ABCG2: variants seen among roughly 807,000 people sequenced by gnomAD.
ABCG2 encodes ATP binding cassette subfamily G member 2 (JR blood group).
In ABCG2, 80 loss-of-function variants were observed where a neutral mutation model predicts 73.5. The ratio of observed to expected loss-of-function variants is 1.09; its 90% CI spans 0.91 to 1.31. The LOEUF (loss-of-function observed/expected upper bound fraction) is 1.31. Among genes scored for constraint, ABCG2 ranks in the 50% most tolerant of loss-of-function variants. ABCG2 has a pLI of 0.00. For synonymous variants in ABCG2, 269 were observed against 282.4 expected (o/e 0.95, Z 0.48); for missense variants, 796 against 786.2 (o/e 1.01, Z -0.15).
chr4:88,126,790 G>C (rs1724446890), intron 5 of ABCG2, among the ~76,000 whole-genome samples: 1 of 152,068 alleles, frequency 6.6e-6, no homozygotes, highest in African/African-American at 2.4e-5. Flanking sequence ...AATAATAAGA[G>C]CTATTTATGA....
At position 88,115,232 on chromosome 4, in the gene ABCG2, G is replaced by GTCTCTCTCTCTCTCTGTC. The variant is rs59257608; in HGVS notation, c.842-175_842-174insGACAGAGAGAGAGAGAGA. Among the ~76,000 whole-genome samples, 210 of 28,914 alleles carry GTCTCTCTCTCTCTCTGTC rather than the reference G, an allele frequency of 7.3e-3. 37 individuals carry two copies. Among genetic ancestry groups the GTCTCTCTCTCTCTCTGTC allele is most frequent in the African/African-American group, 0.017 (122 of 7,104 alleles). 19.0% of individuals were successfully genotyped at this position (28,914 alleles called of 152,430 possible). On this transcript the variant is annotated intron_variant, in intron 7 of 15. Transcript: ENST00000237612. ...TTTACCCTTTCTTTTTATATATTCA[G>GTCTCTCTCTCTCTCTGTC]TCTCTCTCTCTCTCTCTCTCTCTCT...
chr4:88,194,362 A>G (rs1357108215), intron 1 of ABCG2, among the ~76,000 whole-genome samples: 1 of 151,812 alleles, frequency 6.6e-6, no homozygotes, highest in Non-Finnish European at 1.5e-5. Flanking sequence ...CATCCTGGCT[A>G]ACACGGTTAA....
intron 1 of ABCG2, among the ~76,000 whole-genome samples, chr4:88,192,795 T>G (rs1197908341): frequency 6.6e-6 from 1 of 151,388 alleles, no homozygotes; most frequent in African/African-American, 2.4e-5. Flanking sequence ...CACTGCAACC[T>G]CTGCCTCCTG....
At chr4:88,170,541 C>T (rs1008576705) in intron 1 of ABCG2, among the ~76,000 whole-genome samples, 5 of 152,220 alleles carry the variant, frequency 3.3e-5, no homozygotes, top group Non-Finnish European at 7.3e-5. Flanking sequence ...CCAGATGGAA[C>T]AATAATTCAA....
chr4:88,225,235 T>C (rs995120974), intron 1 of ABCG2, among the ~76,000 whole-genome samples: 1 of 152,214 alleles, frequency 6.6e-6, no homozygotes, highest in Non-Finnish European at 1.5e-5. Flanking sequence ...ATGACTCCTC[T>C]ACTCTGCCGT....
intron 1 of ABCG2, among the ~76,000 whole-genome samples, chr4:88,176,976 T>C (rs940173003): frequency 5.3e-5 from 8 of 152,034 alleles, no homozygotes; most frequent in Non-Finnish European, 1.0e-4. Context: ...CGAACATTAG[T>C]TGAAAAATAC....
chr4:88,192,308 A>G (rs537536518), intron 1 of ABCG2, among the ~76,000 whole-genome samples: 9 of 152,318 alleles, frequency 5.9e-5, no homozygotes, highest in African/African-American at 2.2e-4. Context: ...TAATGACTAT[A>G]CTATTCTATA....
chr4:88,191,331 T>C (rs903189871), intron 1 of ABCG2, among the ~76,000 whole-genome samples: 30 of 149,668 alleles, frequency 2.0e-4, no homozygotes, highest in African/African-American at 6.9e-4. Flanking sequence ...GATATATGAA[T>C]GGCCAACAAG....
At chr4:88,165,530 T>A (rs1223077203) in intron 1 of ABCG2, among the ~76,000 whole-genome samples, 4 of 152,210 alleles carry the variant, frequency 2.6e-5, no homozygotes, top group South Asian at 2.1e-4. Flanking sequence ...GTATTGTTAT[T>A]ACAATAGGCC....
chr4:88,108,435 G>A (rs1014189776), intron 9 of ABCG2, among the ~76,000 whole-genome samples: 6 of 152,060 alleles, frequency 3.9e-5, no homozygotes, highest in Non-Finnish European at 7.4e-5. Context: ...GGGAGGCTGA[G>A]GCACAAGAAT....
At chr4:88,210,776 T>C (rs981003992) in intron 1 of ABCG2, among the ~76,000 whole-genome samples, 2 of 152,028 alleles carry the variant, frequency 1.3e-5, no homozygotes, top group Non-Finnish European at 2.9e-5. Flanking sequence ...ATAGAGACAG[T>C]CTTGCTTTGT....
chr4:88,153,262 G>A (rs1418835287), intron 1 of ABCG2, among the ~76,000 whole-genome samples: 1 of 151,982 alleles, frequency 6.6e-6, no homozygotes, highest in Non-Finnish European at 1.5e-5. Flanking sequence ...ATGGTGAATA[G>A]GAGTATGACT....
intron 1 of ABCG2, among the ~76,000 whole-genome samples, chr4:88,229,889 TG>T (rs1730383772): frequency 6.6e-6 from 1 of 152,044 alleles, no homozygotes; most frequent in Non-Finnish European, 1.5e-5. Flanking sequence ...CTATGCAAAC[TG>T]ATTTTCAACA....
upstream of ABCG2, among the ~76,000 whole-genome samples, chr4:88,162,523 AGTG>A: frequency 6.6e-6 from 1 of 152,290 alleles, no homozygotes; most frequent in Middle Eastern, 3.4e-3. Context: ...ATTGGGAGGC[AGTG>A]GTAAATCAAA....
intron 1 of ABCG2, among the ~76,000 whole-genome samples, chr4:88,209,986 A>T (rs1231563802): frequency 6.7e-6 from 1 of 148,942 alleles, no homozygotes; most frequent in Non-Finnish European, 1.5e-5. Flanking sequence ...CTAGTGGTAG[A>T]TCACTCTTTG....
chr4:88,137,883 A>G (rs1338099339), intron 2 of ABCG2, among the ~76,000 whole-genome samples: 1 of 152,208 alleles, frequency 6.6e-6, no homozygotes, highest in Non-Finnish European at 1.5e-5. Context: ...GGCCAGGTGC[A>G]GTGGCTCATG....
At chr4:88,160,609 G>C (rs112383739), upstream of ABCG2, among the ~76,000 whole-genome samples, 4 of 152,206 alleles carry the variant, frequency 2.6e-5, no homozygotes, top group African/African-American at 9.6e-5. Context: ...TAGTACTTTG[G>C]GAGGCCGAGG....
chr4:88,194,401 T>C (rs1728844561), intron 1 of ABCG2, among the ~76,000 whole-genome samples: 1 of 151,576 alleles, frequency 6.6e-6, no homozygotes, highest in African/African-American at 2.4e-5. Flanking sequence ...ATACAAAAAA[T>C]TAGCAGGGCA....
chr4:88,177,189 G>C (rs1332128669), intron 1 of ABCG2, among the ~76,000 whole-genome samples: 1 of 151,612 alleles, frequency 6.6e-6, no homozygotes, highest in East Asian at 1.9e-4. Context: ...TGGCTAATAC[G>C]GTGAAACCCT....
Sources: allele counts gnomAD v4.1 joint callset (sites outside exome capture counted in the v4.1 genomes callset), GRCh38; gene constraint gnomAD v4.1.1; transcripts MANE v1.5; gene names NCBI Gene and HGNC (gene_info 2026-07-23, HGNC 2026-07-21).